GEMIN5: variants seen among roughly 807,000 people sequenced by gnomAD.
The protein encoded by GEMIN5 is gem-associated protein 5.
GEMIN5 carries 124 observed loss-of-function variants against 176.9 expected under a neutral mutation model. The observed-to-expected ratio is 0.70, with a 90% CI of 0.61 to 0.81. The LOEUF (loss-of-function observed/expected upper bound fraction) is 0.81. GEMIN5 is among the 40% of genes least tolerant of loss of function. The pLI is 0.00. For missense variants in GEMIN5, 1,843 were observed against 1,814.6 expected, an observed-to-expected ratio of 1.02 and a Z score of -0.28; for synonymous variants, 673 against 665.2, an observed-to-expected ratio of 1.01 and a Z score of -0.18.
intron 9 of GEMIN5, among the ~76,000 whole-genome samples, chr5:154,922,695 CAG>C (rs1763947950): frequency 6.8e-6 from 1 of 146,800 alleles, no homozygotes; most frequent in Non-Finnish European, 1.5e-5. Context: ...ATCTTTAAAA[CAG>C]TTTTTTTTTT....
Position 154,891,155 on chromosome 5 carries a change from A to C in GEMIN5, c.4262+86T>G. 1.1e-5 allele frequency: 13 copies of C among 1,227,064 alleles called. 1 individual carries two copies. The South Asian group carries it at 2.0e-4, about 18-fold the overall frequency. 76.0% of individuals were successfully genotyped at this position (1,227,064 alleles called of 1,614,324 possible). ...AGTGATCCTCCTGCTTCAGCCTCCC[A>C]AAGTGCTGGGATTATAGGCATGAAC... On this transcript the variant is annotated intron_variant, in intron 26 of 27. Transcript: ENST00000285873.
intron 20 of GEMIN5, 136 bp from the exon 21 acceptor site, chr5:154,901,622 T>C (rs1332874689): frequency 8.9e-6 from 6 of 672,802 alleles, no homozygotes; most frequent in East Asian, 2.7e-5. Flanking sequence ...TCAGCTGCCA[T>C]TATGGATCAT....
intron 3 of GEMIN5, among the ~76,000 whole-genome samples, chr5:154,935,161 T>G (rs1057126635): frequency 6.6e-6 from 1 of 152,266 alleles, no homozygotes; most frequent in African/African-American, 2.4e-5. Flanking sequence ...TAATACTCCC[T>G]TGACCCCATC....
intron 5 of GEMIN5, among the ~76,000 whole-genome samples, chr5:154,929,416 T>C (rs574502018): frequency 9.2e-5 from 14 of 152,174 alleles, no homozygotes; most frequent in South Asian, 2.1e-4. Context: ...GCAGTGAACG[T>C]GCTGTGGGTG....
intron 25 of GEMIN5, 76 bp from the exon 26 acceptor site, chr5:154,891,818 C>G: frequency 7.2e-7 from 1 of 1,396,912 alleles, no homozygotes; most frequent in Non-Finnish European, 9.7e-7. Flanking sequence ...CCCTTATGTT[C>G]TATTTCTTAT....
rs1763143743 is a variant in GEMIN5, at chr5:154,887,969, A to G, written c.*241T>C. On this transcript the variant is annotated 3_prime_UTR_variant, in exon 28 of 28. Transcript: ENST00000285873. Reference sequence around the variant, plus strand: ...AACACTCTGCAGGTGTTAGTTCTGAATAACTACTGTGGGCTTTTCATGATC... The same window carrying G: ...AACACTCTGCAGGTGTTAGTTCTGAGTAACTACTGTGGGCTTTTCATGATC... 2 of 482,568 alleles carry G rather than the reference A, an allele frequency of 4.1e-6. No individual in the cohort carries two copies. Among genetic ancestry groups the G allele is most frequent in the Non-Finnish European group, 7.5e-6 (2 of 267,190 alleles). 29.9% of individuals were successfully genotyped at this position (482,568 alleles called of 1,614,324 possible).
chr5:154,895,829 A>G (rs1017033209), intron 24 of GEMIN5, among the ~76,000 whole-genome samples: 2 of 152,198 alleles, frequency 1.3e-5, no homozygotes, highest in Admixed American at 1.3e-4. Flanking sequence ...TGGCGGCTGC[A>G]GTGAGCCAAG....
In GEMIN5 at chr5:154,900,415, C is replaced by T. The variant is rs374541766; in HGVS notation, c.3014+924G>A. Among the ~76,000 whole-genome samples, 12 of 152,294 alleles carry T rather than the reference C, an allele frequency of 7.9e-5. No homozygotes were observed. In the East Asian group the frequency reaches 2.3e-3, roughly 29 times the overall value. ...GATGGAGTAACTGGGACCAGACTTA[C>T]CTTTCTGCCATAAAACTAAAAAACT... On this transcript the variant is annotated intron_variant, in intron 21 of 27. Coordinates refer to ENST00000285873, the MANE Select transcript of GEMIN5 (RefSeq NM_015465.5).
rs1436211472 is a variant in GEMIN5 at position 154,931,524 on chromosome 5, C to T, written c.715G>A (p.Gly239Ser). 1.2e-6 allele frequency: 2 copies of T among 1,611,834 alleles called. No homozygotes were observed. Among genetic ancestry groups the T allele is most frequent in the Admixed American group, 1.7e-5 (1 of 59,998 alleles). The change falls in exon 5 of 28, where the codon GGT (glycine) becomes AGT (serine). Residue 239 changes from glycine to serine, a missense_variant. By Grantham distance (56) the Gly-to-Ser change is moderately conservative. Coordinates refer to ENST00000285873, the MANE Select transcript of GEMIN5 (RefSeq NM_015465.5). Reference protein sequence around the residue: ...NAVAQAPVTKGCYLATGSKDQ... With the variant: ...NAVAQAPVTKSCYLATGSKDQ... Reference sequence around the variant, plus strand: ...TTGCTTCCAGTGGCTAAGTAGCAACCTTTTGTTACTGGAGCTTGTGCTACA... The same window carrying T: ...TTGCTTCCAGTGGCTAAGTAGCAACTTTTTGTTACTGGAGCTTGTGCTACA...
Position 154,938,174 on chromosome 5 carries a change from A to G in GEMIN5, c.-41T>C. Reference sequence around the variant, plus strand: ...GAGACAAGAGAAGCTGCCACAGCCGACCGCTCGTAGCCTCACGCCTTAGGT... The same window carrying G: ...GAGACAAGAGAAGCTGCCACAGCCGGCCGCTCGTAGCCTCACGCCTTAGGT... On this transcript the variant is annotated 5_prime_UTR_variant, in exon 1 of 28. Coordinates refer to ENST00000285873, the MANE Select transcript of GEMIN5 (RefSeq NM_015465.5). 1.5e-6 allele frequency: 2 copies of G among 1,328,462 alleles called. No individual in the cohort carries two copies. Among genetic ancestry groups the G allele is most frequent in the Non-Finnish European group, 1.9e-6 (2 of 1,030,790 alleles). 82.3% of individuals were successfully genotyped at this position (1,328,462 alleles called of 1,614,324 possible).
Position 154,899,209 on chromosome 5 carries a change from T to A in GEMIN5, c.3116A>T (p.Tyr1039Phe), listed in dbSNP as rs1333182303. 1 of 1,612,294 alleles carries A rather than the reference T, an allele frequency of 6.2e-7. No individual in the cohort carries two copies. Among genetic ancestry groups the A allele is most frequent in the Non-Finnish European group, 8.5e-7 (1 of 1,179,142 alleles). ...WGTVLERDGH[Y>F]AVAAKCYLGA... ...GGCTTACCATTTGGCAGCTACAGCATAGTGGCCATCTCTTTCTAGGACGGT... is the reference window on the plus strand; with the variant it reads ...GGCTTACCATTTGGCAGCTACAGCAAAGTGGCCATCTCTTTCTAGGACGGT... Residue 1039 changes from tyrosine to phenylalanine, a missense_variant, in exon 22 of 28, where the codon TAT (tyrosine) becomes TTT (phenylalanine). Tyr to Phe is a conservative substitution (Grantham distance 22). Transcript: ENST00000285873.
chr5:154,891,784 A>G (rs746399842), intron 25 of GEMIN5, 42 bp from the exon 26 acceptor site: 8 of 1,525,892 alleles, frequency 5.2e-6, no homozygotes, highest in Non-Finnish European at 7.0e-6. Context: ...GCATTTCTCT[A>G]GTTGCCAGAA....
chr5:154,922,697 G>GT (rs941015595), intron 9 of GEMIN5, among the ~76,000 whole-genome samples: 14,596 of 135,302 alleles, frequency 0.11, 855 homozygotes, highest in Admixed American at 0.15. Context: ...CTTTAAAACA[G>GT]TTTTTTTTTT....
Position 154,907,775 on chromosome 5 carries a change from A to C in GEMIN5, c.2211T>G (p.Pro737=), listed in dbSNP as rs761872156. The change falls in exon 16 of 28, where the codon CCT becomes CCG. Residue 737 remains proline (P), a synonymous_variant. Coordinates refer to ENST00000285873, the MANE Select transcript of GEMIN5 (RefSeq NM_015465.5). ...TTTTCTTCTTTTTGGGCTTTGCCTT[A>C]GGTTGAGAGAGCCGTTTTTTCTCCA... The part of the protein sequence containing the change: ...IELEKKRLSQ[P]KAKPKKKKKP... 3.7e-6 allele frequency: 6 copies of C among 1,613,804 alleles called. No individual in the cohort carries two copies. In the African/African-American group the frequency reaches 6.7e-5, roughly 18 times the overall value.
chr5:154,892,271 G>T, intron 25 of GEMIN5, 116 bp downstream of exon 25: 1 of 813,974 alleles, frequency 1.2e-6, no homozygotes. Flanking sequence ...CTACTAAAAT[G>T]ACACAGCTGG....
In GEMIN5 at chr5:154,901,443, T is replaced by C. The variant is rs1263316721; in HGVS notation, c.2910A>G (p.Lys970=). The change falls in exon 21 of 28, where the codon AAA becomes AAG. Residue 970 remains lysine, a synonymous_variant. Coordinates refer to ENST00000285873, the MANE Select transcript of GEMIN5 (RefSeq NM_015465.5). The part of the protein sequence containing the change: ...VWLWAVEAFA[K]QLCFQDQYVK... ...CATACTGATCCTGAAAACACAGCTG[T>C]TTGGCAAAAGCTTCCACAGCCCATA... 1 of 1,614,078 alleles carries C rather than the reference T, an allele frequency of 6.2e-7. No homozygotes were observed. The highest frequency in any genetic ancestry group is 2.2e-5 in the East Asian group (1 of 44,876).
chr5:154,926,279 A>T (rs1327618719), intron 7 of GEMIN5, among the ~76,000 whole-genome samples: 1 of 152,220 alleles, frequency 6.6e-6, no homozygotes, highest in African/African-American at 2.4e-5. Context: ...ATTTATTCCC[A>T]AAGATGTCAC....
chr5:154,904,031 T>A (rs1763521130), intron 18 of GEMIN5, among the ~76,000 whole-genome samples: 1 of 151,794 alleles, frequency 6.6e-6, no homozygotes, highest in Non-Finnish European at 1.5e-5. Context: ...ATGAAGACTT[T>A]GAAAAACAAA....
At chr5:154,922,040 T>C (rs1763933619) in intron 9 of GEMIN5, among the ~76,000 whole-genome samples, 1 of 152,260 alleles carries the variant, frequency 6.6e-6, no homozygotes, top group Non-Finnish European at 1.5e-5. Context: ...AGCCTATGAA[T>C]AATTAGCAGC....
Sources: gnomAD v4.1 joint callset for allele counts (sites outside exome capture counted in the v4.1 genomes callset) on GRCh38, gnomAD v4.1.1 for gene constraint, MANE v1.5 for transcripts, NCBI Gene and HGNC (gene_info 2026-07-23, HGNC 2026-07-21) for gene names.